NRG2: variants seen among roughly 807,000 people sequenced by gnomAD.
NRG2 encodes neuregulin 2.
In NRG2, 27 loss-of-function variants were observed where a neutral mutation model predicts 73.9. That is an observed-to-expected ratio of 0.37 (90% confidence interval 0.27 to 0.50). The LOEUF is 0.50. Among genes scored for constraint, NRG2 ranks in the 20% least tolerant of loss-of-function variants. The pLI, the probability that NRG2 is intolerant of heterozygous loss-of-function variation, is 0.96. For synonymous variants in NRG2, 532 were observed against 541.0 expected (o/e 0.98, Z 0.23); for missense variants, 1,126 against 1,210.1 (o/e 0.93, Z 1.03).
At chr5:139,943,830 G>A (rs1224983918) in intron 1 of NRG2, among the ~76,000 whole-genome samples, 1 of 152,220 alleles carries the variant, frequency 6.6e-6, no homozygotes, top group African/African-American at 2.4e-5. Context: ...CAGCAGTGCA[G>A]TGAGGGGAGT....
chr5:139,987,075 A>T (rs901345691), intron 1 of NRG2, among the ~76,000 whole-genome samples: 2 of 152,056 alleles, frequency 1.3e-5, no homozygotes, highest in African/African-American at 4.8e-5. Flanking sequence ...CTTTCCTAGG[A>T]AAAAGAATAT....
Position 139,852,308 on chromosome 5 carries a change from TG to T in NRG2, c.1544+123del. On this transcript the variant is annotated intron_variant, in intron 8 of 9. Coordinates refer to ENST00000361474, the MANE Select transcript of NRG2 (RefSeq NM_004883.3). The surrounding 1 kb of genome is among the most constrained non-coding windows in gnomAD (Gnocchi z 4.4). ...TTCTGGAGAGGAGGCTAAGGTGTGC[TG>T]TGATTCCTGTGGCAAGCTCAGGGGA... 1 of 1,225,918 alleles carries T rather than the reference TG, an allele frequency of 8.2e-7. No homozygotes were observed. The highest frequency in any genetic ancestry group is 2.5e-5 in the Admixed American group (1 of 40,014). 75.9% of individuals were successfully genotyped at this position (1,225,918 alleles called of 1,614,324 possible).
intron 1 of NRG2, among the ~76,000 whole-genome samples, chr5:139,970,721 G>T (rs1448609488): frequency 2.0e-5 from 3 of 152,230 alleles, no homozygotes; most frequent in Admixed American, 6.5e-5. Flanking sequence ...GTGGCCTGTG[G>T]TAGGAAGCAG....
intron 1 of NRG2, among the ~76,000 whole-genome samples, chr5:139,975,719 G>A (rs1756334095): frequency 6.6e-6 from 1 of 152,184 alleles, no homozygotes; most frequent in African/African-American, 2.4e-5. Flanking sequence ...TTTGCAGATG[G>A]TAGTGAAGGA....
At chr5:140,041,888 G>A (rs2126716191) in intron 1 of NRG2, among the ~76,000 whole-genome samples, 1 of 152,002 alleles carries the variant, frequency 6.6e-6, no homozygotes, top group East Asian at 1.9e-4. Flanking sequence ...CCATTCCCTA[G>A]GAGAACTTGT....
chr5:139,988,348 A>G (rs1274911561), intron 1 of NRG2, among the ~76,000 whole-genome samples: 1 of 152,114 alleles, frequency 6.6e-6, no homozygotes, highest in African/African-American at 2.4e-5. Context: ...AAACATGCAC[A>G]CAGATGTTCA....
intron 1 of NRG2, among the ~76,000 whole-genome samples, chr5:139,979,198 C>T (rs1756607579): frequency 6.6e-6 from 1 of 152,002 alleles, no homozygotes; most frequent in Non-Finnish European, 1.5e-5. Context: ...CAAACCTGCA[C>T]ATTGTGCACA....
chr5:139,950,263 G>T (rs1234455372), intron 1 of NRG2, among the ~76,000 whole-genome samples: 1 of 152,146 alleles, frequency 6.6e-6, no homozygotes, highest in Non-Finnish European at 1.5e-5. Context: ...CTCCATGATT[G>T]GCGGTACCAT....
At chr5:139,931,139 G>T (rs1220081574) in intron 1 of NRG2, among the ~76,000 whole-genome samples, 1 of 152,152 alleles carries the variant, frequency 6.6e-6, no homozygotes, top group African/African-American at 2.4e-5. Flanking sequence ...TCATACAAGG[G>T]TGTTCTGAAG....
chr5:139,886,871 T>C (rs1763905701), intron 2 of NRG2, among the ~76,000 whole-genome samples: 1 of 152,202 alleles, frequency 6.6e-6, no homozygotes. Flanking sequence ...GTTGCTCCCT[T>C]TTCCCTTACC....
At position 140,042,926 on chromosome 5, in the gene NRG2, C is replaced by CCTGCTGCTGCTGCCGCTCTCG. The variant is rs1762061656; in HGVS notation, c.123_143dup (p.Ser41_Ser47dup). 4 of 1,536,254 alleles carry CCTGCTGCTGCTGCCGCTCTCG rather than the reference C, an allele frequency of 2.6e-6. No homozygotes were observed. The Admixed American group carries it at 5.9e-5, about 23-fold the overall frequency. Reference sequence around the variant, plus strand: ...AGATGCTGCTGTTGTTGCTGCTGCTCCTGCTGCTGCTGCCGCTCTCGCTGC... The same window carrying CCTGCTGCTGCTGCCGCTCTCG: ...AGATGCTGCTGTTGTTGCTGCTGCTCCTGCTGCTGCTGCCGCTCTCGCTGCTGCTGCTGCCGCTCTCGCTGC... On this transcript the variant is annotated inframe_insertion, in exon 1 of 10. Coordinates refer to ENST00000361474, the MANE Select transcript of NRG2 (RefSeq NM_004883.3).
At chr5:139,957,728 T>C (rs1754744891) in intron 1 of NRG2, among the ~76,000 whole-genome samples, 1 of 152,210 alleles carries the variant, frequency 6.6e-6, no homozygotes, top group Admixed American at 6.5e-5. Flanking sequence ...AATTGAAAGA[T>C]GGCAATTTCT....
At chr5:140,009,708 T>C (rs766877435) in intron 1 of NRG2, among the ~76,000 whole-genome samples, 1 of 152,188 alleles carries the variant, frequency 6.6e-6, no homozygotes, top group Non-Finnish European at 1.5e-5. Context: ...GTAACCAAGA[T>C]GTCCTTCAGT....
rs1220244509 is a variant in NRG2 at position 139,954,704 on chromosome 5, T to C, written c.701-67193A>G. Among the ~76,000 whole-genome samples, 2 of 152,238 alleles carry C rather than the reference T, an allele frequency of 1.3e-5. No individual in the cohort carries two copies. The highest frequency in any genetic ancestry group is 4.8e-5 in the African/African-American group (2 of 41,476). On this transcript the variant is annotated intron_variant, in intron 1 of 9. Coordinates refer to ENST00000361474, the MANE Select transcript of NRG2 (RefSeq NM_004883.3). The surrounding 1 kb of genome is among the most constrained non-coding windows in gnomAD (Gnocchi z 5.0). Reference sequence around the variant, plus strand: ...CGCCAAGTTCCTCTCTCTTTGCTCATGCACTTTTCTTAACCTAAAATGCCT... The same window carrying C: ...CGCCAAGTTCCTCTCTCTTTGCTCACGCACTTTTCTTAACCTAAAATGCCT...
chr5:139,904,546 T>G lies in NRG2; in HGVS notation c.701-17035A>C. The G allele has an allele frequency of 2.1e-6, 1 of 477,854 alleles. No homozygotes were observed. The highest frequency in any genetic ancestry group is 3.7e-6 in the Non-Finnish European group (1 of 272,262). The allele number at this position is 477,854 out of a possible 1,614,324, so 29.6% of individuals were successfully genotyped here. A position where few individuals can be genotyped will look rare whatever the true frequency, so the allele number is the denominator to read the frequency against. The stretch of plus-strand genomic sequence containing the variant: ...GAGGGGAGCAGCGAGCCTTAACTCT[T>G]CCCCTCCCGCGCCCTCCACCCTCGC... On this transcript the variant is annotated intron_variant, in intron 1 of 9. Coordinates refer to ENST00000361474, the MANE Select transcript of NRG2 (RefSeq NM_004883.3). The surrounding 1 kb of genome is among the most constrained non-coding windows in gnomAD (Gnocchi z 6.0).
chr5:139,924,203 C>G (rs988995501), intron 1 of NRG2, among the ~76,000 whole-genome samples: 1 of 152,146 alleles, frequency 6.6e-6, no homozygotes, highest in Admixed American at 6.5e-5. Flanking sequence ...GGGGAGAGCC[C>G]CTGGCTGTCT....
chr5:140,025,436 C>A (rs1760608061), intron 1 of NRG2, among the ~76,000 whole-genome samples: 2 of 152,146 alleles, frequency 1.3e-5, no homozygotes, highest in Non-Finnish European at 2.9e-5. Context: ...TTTCTTCACT[C>A]ATTTTTCCCT....
chr5:139,997,620 T>C (rs549420256), intron 1 of NRG2, among the ~76,000 whole-genome samples: 97 of 152,348 alleles, frequency 6.4e-4, no homozygotes, highest in African/African-American at 2.3e-3. Context: ...GACTCTGCTG[T>C]ATGGGGCATC....
In NRG2 at chr5:139,954,597, C is replaced by A. The variant is rs1461906140; in HGVS notation, c.701-67086G>T. Among the ~76,000 whole-genome samples, 1 of 152,212 alleles carries A rather than the reference C, an allele frequency of 6.6e-6. No individual in the cohort carries two copies. Among genetic ancestry groups the A allele is most frequent in the Admixed American group, 6.5e-5 (1 of 15,292 alleles). On this transcript the variant is annotated intron_variant, in intron 1 of 9. Transcript: ENST00000361474. The surrounding 1 kb of genome is among the most constrained non-coding windows in gnomAD (Gnocchi z 5.0). ...TTCTCTGTGATTTAGCAACCCTGGA[C>A]GTCATCAATCCTCACTCCCATGGCT...
Sources: allele counts gnomAD v4.1 joint callset (sites outside exome capture counted in the v4.1 genomes callset), GRCh38; gene constraint gnomAD v4.1.1; non-coding constraint Gnocchi (gnomAD v3.1); transcripts MANE v1.5; gene names NCBI Gene and HGNC (gene_info 2026-07-23, HGNC 2026-07-21).